The following ZNF507 variants were observed in gnomAD, a reference collection of about 807,000 sequenced individuals.
The protein encoded by ZNF507 is zinc finger protein 507.
In ZNF507, 29 loss-of-function variants were observed where a neutral mutation model predicts 80.0. The observed-to-expected ratio is 0.36, with a 90% CI of 0.27 to 0.49. The LOEUF (loss-of-function observed/expected upper bound fraction) is 0.49. Among genes scored for constraint, ZNF507 ranks in the 20% least tolerant of loss-of-function variants. The pLI is 0.98. For synonymous variants in ZNF507, 462 were observed against 422.5 expected (o/e 1.09, Z -1.15); for missense variants, 1,081 against 1,152.2 (o/e 0.94, Z 0.90).
Position 32,363,563 on chromosome 19 carries a change from G to A in ZNF507, c.2360+2945G>A, listed in dbSNP as rs146824151. ...TCCCACTTGTGAGATTTGTGATCTT[G>A]CGCAAACTGTTTCACCTCTCTGTGC... On this transcript the variant is annotated intron_variant, in intron 5 of 6. Transcript: ENST00000355898. Among the ~76,000 whole-genome samples the A allele has an allele frequency of 3.9e-4, 59 of 152,224 alleles. 1 individual carries two copies. The highest frequency in any genetic ancestry group is 7.5e-4 in the Non-Finnish European group (51 of 68,004).
intron 3 of ZNF507, among the ~76,000 whole-genome samples, chr19:32,355,941 G>A (rs147797212): frequency 5.2e-4 from 79 of 152,270 alleles, no homozygotes; most frequent in African/African-American, 1.8e-3. Context: ...GGAGCTTGCA[G>A]TGAGCCAAGA....
chr19:32,363,300 A>G (rs189143619), intron 5 of ZNF507, among the ~76,000 whole-genome samples: 30 of 152,370 alleles, frequency 2.0e-4, no homozygotes, highest in African/African-American at 5.8e-4. Flanking sequence ...AAGAGCTACA[A>G]GGCCTTGTTG....
At chr19:32,352,712 GCTTAGA>G in intron 2 of ZNF507, 111 bp from the exon 3 acceptor site, 3 of 895,446 alleles carry the variant, frequency 3.4e-6, no homozygotes, top group Non-Finnish European at 4.9e-6. Context: ...GGAGCTTCCA[GCTTAGA>G]AAATACTTAG....
Position 32,353,832 on chromosome 19 carries a change from T to A in ZNF507, c.1002T>A (p.Ser334=), listed in dbSNP as rs1599546377. The A allele has an allele frequency of 3.7e-6, 6 of 1,614,064 alleles. No homozygotes were observed. The East Asian group carries it at 8.9e-5, about 24-fold the overall frequency. ...TTTGCAGCTCAGAACAGTTATCATCTTCATCTCCTTTAGAACAGAGTGCAG... is the reference window on the plus strand; with the variant it reads ...TTTGCAGCTCAGAACAGTTATCATCATCATCTCCTTTAGAACAGAGTGCAG... ...VQICSSEQLS[S]SSPLEQSAER... The change falls in exon 3 of 7, where the codon TCT becomes TCA. Residue 334 remains serine, a synonymous_variant. Transcript: ENST00000355898.
In ZNF507 at chr19:32,354,008, G is replaced by A. The variant is rs760478438; in HGVS notation, c.1178G>A (p.Gly393Glu). ...KIISSSPNKK[G>E]HVNVIVERLP... is the part of the protein sequence containing the mutation. ...ATCAGCAGCAGCCCCAATAAAAAAG[G>A]GCATGTTAACGTGATAGTGGAGCGA... The change falls in exon 3 of 7, where the codon GGG (glycine) becomes GAG (glutamate). Residue 393 changes from glycine (G) to glutamate (E), a missense_variant. Gly to Glu is a moderately conservative substitution (Grantham distance 98, BLOSUM62 -2). Transcript: ENST00000355898. 5 of 1,614,128 alleles carry A rather than the reference G, an allele frequency of 3.1e-6. No homozygotes were observed. The highest frequency in any genetic ancestry group is 1.1e-5 in the South Asian group (1 of 91,082).
At chr19:32,370,583 G>A (rs1197504908) in intron 5 of ZNF507, among the ~76,000 whole-genome samples, 2 of 152,114 alleles carry the variant, frequency 1.3e-5, no homozygotes, top group Admixed American at 1.3e-4. Context: ...CGAGTTATTT[G>A]TCCTTCTGCT....
At chr19:32,351,419 CTGTGTG>C (rs5823) in intron 2 of ZNF507, among the ~76,000 whole-genome samples, 697 of 52,824 alleles carry the variant, frequency 0.013, 5 homozygotes, top group South Asian at 0.03. Flanking sequence ...AGCTGGTCAG[CTGTGTG>C]TGTGTGTGTG....
At chr19:32,351,066 A>G (rs1967156341) in intron 2 of ZNF507, among the ~76,000 whole-genome samples, 1 of 152,204 alleles carries the variant, frequency 6.6e-6, no homozygotes. Context: ...TCTACCTGAG[A>G]AAGATGAAAC....
chr19:32,354,286 A>G lies in ZNF507; in HGVS notation c.1456A>G (p.Asn486Asp), dbSNP rs572778593. 51 of 1,614,188 alleles carry G rather than the reference A, an allele frequency of 3.2e-5. No homozygotes were observed. In the East Asian group the frequency reaches 1.1e-3, roughly 35 times the overall value. Residue 486 changes from asparagine (N) to aspartate (D), a missense_variant, in exon 3 of 7, where the codon AAT becomes GAT. Transcript: ENST00000355898. ...TGCCCCACCAGGCCGGAGAAGGACA[A>G]ATTCTGAGTCTCTTCGATTACACTC... is the stretch of plus-strand genomic sequence containing the variant. ...ENAPPGRRRT[N>D]SESLRLHSLA...
chr19:32,354,148 G>A lies in ZNF507; in HGVS notation c.1318G>A (p.Asp440Asn), dbSNP rs2011134363. The A allele has an allele frequency of 6.2e-7, 1 of 1,612,978 alleles. No homozygotes were observed. The highest frequency in any genetic ancestry group is 8.5e-7 in the Non-Finnish European group (1 of 1,180,022). ...TCAGATTGGGCGCGAAGGAATGGAT[G>A]ATGTTTATCGTGCTGATAAATGTAC... ...EAQIGREGMDDVYRADKCTVD... is the reference protein window; with the variant it reads ...EAQIGREGMDNVYRADKCTVD... The change falls in exon 3 of 7, where the codon GAT becomes AAT. Residue 440 changes from aspartate (D) to asparagine (N), a missense_variant. Around this residue, in one of 6 missense-constraint regions of ZNF507, gnomAD observed 614 missense variants for 583.9 expected, o/e 1.05. Coordinates refer to ENST00000355898, the MANE Select transcript of ZNF507 (RefSeq NM_001136156.2).
Position 32,352,855 on chromosome 19 carries a change from A to G in ZNF507, c.25A>G (p.Met9Val), listed in dbSNP as rs770334545. 4 of 1,589,996 alleles carry G rather than the reference A, an allele frequency of 2.5e-6. No individual in the cohort carries two copies. The highest frequency in any genetic ancestry group is 3.7e-5 in the Admixed American group (2 of 53,694). Residue 9 changes from methionine (M) to valine (V), a missense_variant, in exon 3 of 7, where the codon ATG becomes GTG. Transcript: ENST00000355898. ...TATGGAAGAAAGTAGCAGTGTTGCC[A>G]TGTTGGTGCCAGATATTGGGGAACA... is the stretch of plus-strand genomic sequence containing the variant. MEESSSVAMLVPDIGEQEA... is the reference protein window; with the variant it reads MEESSSVAVLVPDIGEQEA...
At chr19:32,358,895 A>AT (rs1222287283) in intron 4 of ZNF507, 1 of 152,238 alleles carries the variant, frequency 6.6e-6, no homozygotes, top group Non-Finnish European at 1.5e-5. Flanking sequence ...TAATTTACCC[A>AT]TGATCATACT....
chr19:32,375,692 T>C (rs1443044224), intron 5 of ZNF507, among the ~76,000 whole-genome samples: 1 of 152,240 alleles, frequency 6.6e-6, no homozygotes, highest in Admixed American at 6.5e-5. Flanking sequence ...AATCAGTTAA[T>C]TGAAACTGGA....
chr19:32,356,600 T>C lies in ZNF507; in HGVS notation c.2128-16T>C, dbSNP rs1328509997. On this transcript the variant is annotated splice_polypyrimidine_tract_variant and intron_variant, in intron 3 of 6. Coordinates refer to ENST00000355898, the MANE Select transcript of ZNF507 (RefSeq NM_001136156.2). The stretch of plus-strand genomic sequence containing the variant: ...GTATATTTATTGAAAATTACATATT[T>C]CTTTCCACTTTTTAGAGTCAATTGA... 6.3e-7 allele frequency: 1 copy of C among 1,585,558 alleles called. No homozygotes were observed. The highest frequency in any genetic ancestry group is 8.7e-7 in the Non-Finnish European group (1 of 1,155,002).
chr19:32,381,355 C>T (rs540158017), intron 5 of ZNF507, among the ~76,000 whole-genome samples: 1 of 152,218 alleles, frequency 6.6e-6, no homozygotes, highest in South Asian at 2.1e-4. Context: ...CCTGTAATCT[C>T]AGCACTTTGG....
chr19:32,382,675 T>C, intron 6 of ZNF507, 42 bp from the exon 7 acceptor site: 1 of 1,610,798 alleles, frequency 6.2e-7, no homozygotes, highest in Non-Finnish European at 8.5e-7. Context: ...AGTCCTACAT[T>C]GTAGCCTCCT....
Position 32,377,254 on chromosome 19 carries a change from G to A in ZNF507, c.2361-5213G>A, listed in dbSNP as rs150760764. Among the ~76,000 whole-genome samples the A allele has an allele frequency of 7.9e-5, 12 of 152,186 alleles. No individual in the cohort carries two copies. In the East Asian group the frequency reaches 1.4e-3, roughly 17 times the overall value. On this transcript the variant is annotated intron_variant, in intron 5 of 6. Coordinates refer to ENST00000355898, the MANE Select transcript of ZNF507 (RefSeq NM_001136156.2). The stretch of plus-strand genomic sequence containing the variant: ...TGACGCTACCGCTAGACCATGGTCC[G>A]CTTGGCAATGGGCATCTTCCCAGAT...
chr19:32,369,092 C>A (rs1967436195), intron 5 of ZNF507, among the ~76,000 whole-genome samples: 1 of 152,192 alleles, frequency 6.6e-6, no homozygotes, highest in African/African-American at 2.4e-5. Context: ...GGCTTTTTAG[C>A]CAAGTTATAA....
intron 5 of ZNF507, among the ~76,000 whole-genome samples, chr19:32,378,045 C>T (rs1409141284): frequency 6.6e-6 from 1 of 152,072 alleles, no homozygotes; most frequent in East Asian, 1.9e-4. Context: ...TCAGATCTGT[C>T]AAGGGCATTA....
Sources: allele counts gnomAD v4.1 joint callset (sites outside exome capture counted in the v4.1 genomes callset), GRCh38; gene constraint gnomAD v4.1.1; regional missense constraint gnomAD v4.1.1; transcripts MANE v1.5; gene names NCBI Gene and HGNC (gene_info 2026-07-23, HGNC 2026-07-21).